Variants in TRPM3 observed in about 807,000 individuals in gnomAD.
TRPM3 encodes transient receptor potential cation channel subfamily M member 3, also known as long transient receptor potential channel 3.
A neutral mutation model predicts 181.2 loss-of-function variants in TRPM3; 77 were observed. The observed-to-expected ratio is 0.42, with a 90% CI of 0.35 to 0.51. TRPM3 has a LOEUF of 0.51. Ranked by LOEUF, TRPM3 falls within the 20% of genes least tolerant of loss-of-function variation. The probability of loss-of-function intolerance (pLI) is 0.01; values close to 1 mark genes in which losing one functional copy is unlikely to be tolerated. For synonymous variants in TRPM3, 745 were observed against 796.4 expected (o/e 0.94, Z 1.09); for missense variants, 1,759 against 2,196.7 (o/e 0.80, Z 3.98).
intron 1 of TRPM3, among the ~76,000 whole-genome samples, chr9:71,192,098 C>T (rs575059186): frequency 5.9e-5 from 9 of 151,896 alleles, no homozygotes; most frequent in Admixed American, 2.6e-4. Context: ...TAAATCTTTA[C>T]GTAAATATAT....
At chr9:71,387,693 A>T (rs2092958439) in intron 1 of TRPM3, among the ~76,000 whole-genome samples, 2 of 152,180 alleles carry the variant, frequency 1.3e-5, no homozygotes, top group South Asian at 4.1e-4. Context: ...CAAGTCAGAT[A>T]TCGCATTCAC....
intron 5 of TRPM3, among the ~76,000 whole-genome samples, chr9:70,832,001 A>ATATATATATATAT (rs1564497915): frequency 2.4e-5 from 3 of 126,042 alleles, no homozygotes; most frequent in Admixed American, 8.1e-5. Context: ...ATATATACCT[A>ATATATATATATAT]CTATGTACCC....
intron 1 of TRPM3, among the ~76,000 whole-genome samples, chr9:70,898,417 C>T (rs1259389410): frequency 2.0e-5 from 3 of 151,026 alleles, no homozygotes; most frequent in Admixed American, 6.6e-5. Context: ...CCACCGCGCC[C>T]GGCCACAATA....
chr9:70,599,377 A>G (rs1000597127), intron 20 of TRPM3, among the ~76,000 whole-genome samples: 5 of 152,224 alleles, frequency 3.3e-5, no homozygotes, highest in Non-Finnish European at 7.3e-5. Context: ...TTATACCTCA[A>G]TTAAAAAAAA....
intron 5 of TRPM3, among the ~76,000 whole-genome samples, chr9:70,829,124 C>T (rs6560155): frequency 0.69 from 105,592 of 152,002 alleles, 36,934 homozygotes; most frequent in Admixed American, 0.74. Flanking sequence ...TAAATGCTAC[C>T]GAATTTTTAT....
chr9:70,634,435 T>C (rs117879830), intron 12 of TRPM3, among the ~76,000 whole-genome samples: 2,636 of 152,334 alleles, frequency 0.017, 32 homozygotes, highest in South Asian at 0.039. Context: ...ATAATAATTC[T>C]ATTTCATAGA....
chr9:70,743,634 C>G (rs2074571061), intron 8 of TRPM3, among the ~76,000 whole-genome samples: 1 of 151,878 alleles, frequency 6.6e-6, no homozygotes, highest in South Asian at 2.1e-4. Flanking sequence ...AATGGAGAGA[C>G]TAGGGGGCAC....
At chr9:70,905,746 T>C (rs1294614022) in intron 1 of TRPM3, among the ~76,000 whole-genome samples, 1 of 150,410 alleles carries the variant, frequency 6.6e-6, no homozygotes, top group Non-Finnish European at 1.5e-5. Flanking sequence ...AGTCGTTTCT[T>C]TTTTTTTTTC....
intron 6 of TRPM3, among the ~76,000 whole-genome samples, chr9:70,791,530 C>T (rs944488273): frequency 2.0e-5 from 3 of 152,198 alleles, no homozygotes; most frequent in African/African-American, 7.2e-5. Context: ...TGGCAACTCC[C>T]TTACTGATAG....
intron 1 of TRPM3, among the ~76,000 whole-genome samples, chr9:71,325,313 G>T (rs990243270): frequency 2.0e-5 from 3 of 152,280 alleles, no homozygotes; most frequent in South Asian, 4.1e-4. Context: ...CCAATGTGAT[G>T]AGCAAGGAAA....
chr9:70,913,524 A>G (rs1451409503), intron 1 of TRPM3, among the ~76,000 whole-genome samples: 1 of 152,238 alleles, frequency 6.6e-6, no homozygotes, highest in Non-Finnish European at 1.5e-5. Flanking sequence ...GTTCAAAACT[A>G]CCAGAGGGAA....
At chr9:71,151,871 C>A (rs956707176) in intron 1 of TRPM3, among the ~76,000 whole-genome samples, 5 of 151,966 alleles carry the variant, frequency 3.3e-5, no homozygotes, top group African/African-American at 9.7e-5. Flanking sequence ...TTTTATTTTG[C>A]CAAAAACATT....
intron 1 of TRPM3, among the ~76,000 whole-genome samples, chr9:71,039,202 C>G (rs931559047): frequency 1.3e-5 from 2 of 152,092 alleles, no homozygotes; most frequent in African/African-American, 2.4e-5. Flanking sequence ...CGGAACTGAA[C>G]CTTCCCTCTG....
intron 8 of TRPM3, among the ~76,000 whole-genome samples, chr9:70,690,702 G>C (rs980871658): frequency 6.6e-6 from 1 of 152,014 alleles, no homozygotes; most frequent in Admixed American, 6.6e-5. Flanking sequence ...GCAATTAATA[G>C]AAAACACAAA....
rs2041347635 is a variant in TRPM3, at chr9:70,534,570, T to C, written c.*1383A>G. The C allele has an allele frequency of 6.6e-6, 1 of 152,232 alleles. No individual in the cohort carries two copies. The highest frequency in any genetic ancestry group is 1.5e-5 in the Non-Finnish European group (1 of 68,048). 9.4% of individuals were successfully genotyped at this position (152,232 alleles called of 1,614,324 possible). A position where few individuals can be genotyped will look rare whatever the true frequency, so the allele number is the denominator to read the frequency against. ...GTGGCATATACTATAGAACTCTTTATATGGTTTATTTGCTTTCTATTTTGG... is the reference window on the plus strand; with the variant it reads ...GTGGCATATACTATAGAACTCTTTACATGGTTTATTTGCTTTCTATTTTGG... On this transcript the variant is annotated 3_prime_UTR_variant, in exon 26 of 26. Coordinates refer to ENST00000677713, the MANE Select transcript of TRPM3 (RefSeq NM_001366145.2).
At chr9:70,841,659 T>A (rs572805480) in intron 5 of TRPM3, among the ~76,000 whole-genome samples, 74 of 91,564 alleles carry the variant, frequency 8.1e-4, no homozygotes, top group African/African-American at 3.0e-3. Flanking sequence ...TATATATATA[T>A]ATCCCACCAT....
chr9:71,087,338 A>C (rs2065445569), intron 1 of TRPM3, among the ~76,000 whole-genome samples: 1 of 152,078 alleles, frequency 6.6e-6, no homozygotes, highest in Non-Finnish European at 1.5e-5. Flanking sequence ...TTCAAAGCTG[A>C]ATTCAAATCC....
intron 25 of TRPM3, among the ~76,000 whole-genome samples, chr9:70,547,028 C>T (rs997687228): frequency 2.6e-5 from 4 of 152,086 alleles, no homozygotes; most frequent in Admixed American, 6.5e-5. Context: ...AGAAGACTCA[C>T]GCAAATACAA....
intron 1 of TRPM3, among the ~76,000 whole-genome samples, chr9:71,095,286 G>T (rs571383531): frequency 2.0e-5 from 3 of 152,118 alleles, no homozygotes; most frequent in Admixed American, 6.6e-5. Flanking sequence ...AACTGACTCC[G>T]TCGTCATGTA....
Sources: allele counts gnomAD v4.1 joint callset (sites outside exome capture counted in the v4.1 genomes callset), GRCh38; gene constraint gnomAD v4.1.1; transcripts MANE v1.5; gene names NCBI Gene and HGNC (gene_info 2026-07-23, HGNC 2026-07-21).